TBC1D22A: variants seen among roughly 807,000 people sequenced by gnomAD.
The protein encoded by TBC1D22A is TBC1 domain family member 22A, also known as putative GTPase activator.
A neutral mutation model predicts 60.2 loss-of-function variants in TBC1D22A; 38 were observed. That is an observed-to-expected ratio of 0.63 (90% CI 0.49 to 0.83). The LOEUF (loss-of-function observed/expected upper bound fraction) is 0.83. TBC1D22A is among the 40% of genes least tolerant of loss of function. The probability of loss-of-function intolerance (pLI) is 0.00; values close to 1 mark genes in which losing one functional copy is unlikely to be tolerated. For synonymous variants in TBC1D22A, 302 were observed against 281.7 expected (o/e 1.07, Z -0.72); for missense variants, 628 against 701.0 (o/e 0.90, Z 1.18).
intron 10 of TBC1D22A, among the ~76,000 whole-genome samples, chr22:47,033,355 C>T (rs539233521): frequency 7.2e-5 from 11 of 152,324 alleles, no homozygotes; most frequent in African/African-American, 1.2e-4. Context: ...GAAAACTCCT[C>T]GCTATTGCTG....
At chr22:46,869,113 C>G (rs1490819837) in intron 4 of TBC1D22A, among the ~76,000 whole-genome samples, 1 of 152,228 alleles carries the variant, frequency 6.6e-6, no homozygotes, top group Non-Finnish European at 1.5e-5. Flanking sequence ...CATTTCTTGT[C>G]TGCCTCCTTT....
In TBC1D22A at chr22:47,018,339, C is replaced by T. The variant is rs115368346; in HGVS notation, c.1202-18732C>T. On this transcript the variant is annotated intron_variant, in intron 10 of 12. Transcript: ENST00000337137. ...GCGCACATGCAAGCCCATCACGTCT[C>T]ATTCTAGTTTTTGTCCTTGATTTGT... Among the ~76,000 whole-genome samples, 657 of 152,364 alleles carry T rather than the reference C, an allele frequency of 4.3e-3. 6 individuals are homozygous for T. Among genetic ancestry groups the T allele is most frequent in the African/African-American group, 0.014 (602 of 41,584 alleles).
chr22:47,158,940 C>T (rs2180152), intron 12 of TBC1D22A, among the ~76,000 whole-genome samples: 29,053 of 149,290 alleles, frequency 0.19, 3,590 homozygotes, highest in African/African-American at 0.37. Context: ...TCACCATGTA[C>T]ACACACACAC....
chr22:47,087,945 C>T (rs905641747), intron 11 of TBC1D22A, among the ~76,000 whole-genome samples: 3 of 151,880 alleles, frequency 2.0e-5, no homozygotes, highest in East Asian at 1.9e-4. Context: ...TGGTGGCGGG[C>T]GCCTGTAGTT....
At chr22:46,892,449 A>G (rs1171796530) in intron 6 of TBC1D22A, among the ~76,000 whole-genome samples, 1 of 152,222 alleles carries the variant, frequency 6.6e-6, no homozygotes, top group Non-Finnish European at 1.5e-5. Flanking sequence ...GCTGGGGCAA[A>G]GCAGCCATCT....
At chr22:47,103,484 G>T (rs2065500112) in intron 11 of TBC1D22A, among the ~76,000 whole-genome samples, 1 of 152,196 alleles carries the variant, frequency 6.6e-6, no homozygotes, top group Non-Finnish European at 1.5e-5. Flanking sequence ...CCAGATGCAG[G>T]GTGGGTAGGG....
chr22:46,934,811 CAT>C (rs1486648948), intron 8 of TBC1D22A, among the ~76,000 whole-genome samples: 1 of 152,352 alleles, frequency 6.6e-6, no homozygotes, highest in African/African-American at 2.4e-5. Context: ...GGGAGCAGCT[CAT>C]GTGAAATATG....
intron 10 of TBC1D22A, among the ~76,000 whole-genome samples, chr22:47,025,862 G>A (rs1442818180): frequency 2.6e-5 from 4 of 152,144 alleles, no homozygotes; most frequent in African/African-American, 9.7e-5. Context: ...AGTACCGAGT[G>A]TGTGAGAAGA....
At chr22:46,847,347 C>T (rs2087048223) in intron 4 of TBC1D22A, among the ~76,000 whole-genome samples, 1 of 152,216 alleles carries the variant, frequency 6.6e-6, no homozygotes, top group African/African-American at 2.4e-5. Context: ...GCAGAAGTCA[C>T]CTAGCCAGTG....
chr22:47,011,288 C>T (rs968682110), intron 10 of TBC1D22A, among the ~76,000 whole-genome samples: 1 of 152,154 alleles, frequency 6.6e-6, no homozygotes, highest in African/African-American at 2.4e-5. Flanking sequence ...GAGCCGCAGC[C>T]TGCAGCTGTG....
chr22:47,161,441 A>T (rs570837369), intron 12 of TBC1D22A, among the ~76,000 whole-genome samples: 1 of 152,226 alleles, frequency 6.6e-6, no homozygotes, highest in African/African-American at 2.4e-5. Context: ...TCAACCACAG[A>T]TTTTTTAACT....
chr22:46,941,799 GAATA>G (rs2072155102), intron 8 of TBC1D22A, among the ~76,000 whole-genome samples: 1 of 139,686 alleles, frequency 7.2e-6, no homozygotes, highest in African/African-American at 2.8e-5. Flanking sequence ...AGAATATATA[GAATA>G]TATATAGAAT....
intron 11 of TBC1D22A, among the ~76,000 whole-genome samples, chr22:47,093,549 C>T (rs528564193): frequency 6.6e-6 from 1 of 152,216 alleles, no homozygotes; most frequent in South Asian, 2.1e-4. Flanking sequence ...TCTGTGAGCC[C>T]TAGGAGTTCC....
At chr22:46,941,816 A>T in intron 8 of TBC1D22A, among the ~76,000 whole-genome samples, 1 of 101,160 alleles carries the variant, frequency 9.9e-6, no homozygotes, top group South Asian at 2.6e-4. Context: ...TATAGAATAT[A>T]TATAGAATAT....
intron 4 of TBC1D22A, among the ~76,000 whole-genome samples, chr22:46,855,834 TA>T (rs1259171068): frequency 6.6e-6 from 1 of 152,204 alleles, no homozygotes; most frequent in African/African-American, 2.4e-5. Context: ...AAATTATATG[TA>T]GGGGACTGTG....
At chr22:46,866,679 G>A (rs894291430) in intron 4 of TBC1D22A, among the ~76,000 whole-genome samples, 1 of 152,230 alleles carries the variant, frequency 6.6e-6, no homozygotes, top group Non-Finnish European at 1.5e-5. Flanking sequence ...GCCTGAACAA[G>A]TCTATAGTGC....
intron 5 of TBC1D22A, among the ~76,000 whole-genome samples, chr22:46,890,822 G>A (rs963716110): frequency 6.6e-6 from 1 of 151,970 alleles, no homozygotes; most frequent in Admixed American, 6.6e-5. Context: ...ATGCATGCGT[G>A]TATATGTGTG....
chr22:47,113,909 T>C (rs2065937105), intron 12 of TBC1D22A, among the ~76,000 whole-genome samples: 1 of 151,992 alleles, frequency 6.6e-6, no homozygotes, highest in Admixed American at 6.5e-5. Flanking sequence ...GAGGGTGGTG[T>C]TGGGTGGGCA....
At chr22:47,111,958 G>A (rs2073273) in intron 12 of TBC1D22A, among the ~76,000 whole-genome samples, 57,001 of 152,148 alleles carry the variant, frequency 0.37, 10,877 homozygotes, top group South Asian at 0.51. Flanking sequence ...CGTGGACTGT[G>A]ATGCTTTAGG....
Sources: allele counts gnomAD v4.1 joint callset (sites outside exome capture counted in the v4.1 genomes callset), GRCh38; gene constraint gnomAD v4.1.1; transcripts MANE v1.5; gene names NCBI Gene and HGNC (gene_info 2026-07-23, HGNC 2026-07-21).